Variants in PIEZO2 observed in about 807,000 individuals in gnomAD.
PIEZO2 encodes piezo type mechanosensitive ion channel component 2.
A neutral mutation model predicts 337.3 loss-of-function variants in PIEZO2; 172 were observed. That is an observed-to-expected ratio of 0.51 (90% CI 0.45 to 0.58). PIEZO2 has a LOEUF of 0.58. Ranked by LOEUF, PIEZO2 falls within the 20% of genes least tolerant of loss-of-function variation. PIEZO2 has a pLI of 0.00. For missense variants in PIEZO2, 3,028 were observed against 3,391.3 expected (o/e 0.89, Z 2.66); for synonymous variants, 1,251 against 1,228.5 (o/e 1.02, Z -0.38).
In PIEZO2 at chr18:10,833,398, A is replaced by C. The variant is rs970478689; in HGVS notation, c.917+21955T>G. 2.0e-5 allele frequency among the ~76,000 whole-genome samples: 3 copies of C among 151,974 alleles called. No homozygotes were observed. The highest frequency in any genetic ancestry group is 6.6e-5 in the Admixed American group (1 of 15,266). ...CCTCTCCTGTTGGAATCATGTGGGGATCTTCTAAAGCACTAACACTGGGCC... is the reference window on the plus strand; with the variant it reads ...CCTCTCCTGTTGGAATCATGTGGGGCTCTTCTAAAGCACTAACACTGGGCC... On this transcript the variant is annotated intron_variant, in intron 7 of 55. Transcript: ENST00000674853. The surrounding 1 kb of genome is among the most constrained non-coding windows in gnomAD (Gnocchi z 4.7).
rs1347369929 is a variant in PIEZO2, at chr18:10,787,058, T to C, written c.2296A>G (p.Met766Val). 1 of 1,533,364 alleles carries C rather than the reference T, an allele frequency of 6.5e-7. No individual in the cohort carries two copies. Among genetic ancestry groups the C allele is most frequent in the Non-Finnish European group, 8.7e-7 (1 of 1,144,888 alleles). The allele number at this position is 1,533,364 out of a possible 1,614,324, so 95.0% of individuals were successfully genotyped here. ...TACTTTTCTTTTTTCAGTCCAGTCA[T>C]ATTTTGCCACAGGCCTGGGAAGTTC... is the stretch of plus-strand genomic sequence containing the variant. ...FENFPGLWQN[M>V]TGLKKEKLED... The change falls in exon 16 of 56, where the codon ATG (methionine) becomes GTG (valine). Residue 766 changes from methionine to valine, a missense_variant. Met to Val is a conservative substitution (Grantham distance 21). Around this residue, in one of 5 missense-constraint regions of PIEZO2, gnomAD observed 1,925 missense variants for 2,051.9 expected, o/e 0.94. Coordinates refer to ENST00000674853, the MANE Select transcript of PIEZO2 (RefSeq NM_001378183.1).
rs1279764958 is a variant in PIEZO2 at position 10,699,023 on chromosome 18, G to A, written c.6596C>T (p.Thr2199Ile). Residue 2199 changes from threonine (T) to isoleucine (I), a missense_variant, in exon 44 of 56, where the codon ACC becomes ATC. Thr to Ile is a moderately conservative substitution (Grantham distance 89). Coordinates refer to ENST00000674853, the MANE Select transcript of PIEZO2 (RefSeq NM_001378183.1). ...GACAGCTGTCTGCTGCTCCGGGAAG[G>A]TCACATGCACTGACTCCACAGACGC... ...LAASVESVHVTFPEQQTAVRR... is the reference protein window; with the variant it reads ...LAASVESVHVIFPEQQTAVRR... 243 of 1,537,026 alleles carry A rather than the reference G, an allele frequency of 1.6e-4. No individual in the cohort carries two copies. The highest frequency in any genetic ancestry group is 2.1e-4 in the Non-Finnish European group (237 of 1,146,926).
At chr18:11,064,029 CAAA>C (rs879717366) in intron 2 of PIEZO2, among the ~76,000 whole-genome samples, 1 of 135,320 alleles carries the variant, frequency 7.4e-6, no homozygotes. Context: ...ATCTGATGAG[CAAA>C]AAAAAAAAAG....
In PIEZO2 at chr18:10,775,268, T is replaced by C. The variant is rs2038743841; in HGVS notation, c.2535-1230A>G. Among the ~76,000 whole-genome samples, 1 of 152,176 alleles carries C rather than the reference T, an allele frequency of 6.6e-6. No individual in the cohort carries two copies. Among genetic ancestry groups the C allele is most frequent in the Non-Finnish European group, 1.5e-5 (1 of 68,038 alleles). On this transcript the variant is annotated intron_variant, in intron 18 of 55. Coordinates refer to ENST00000674853, the MANE Select transcript of PIEZO2 (RefSeq NM_001378183.1). This position sits in a 1 kb window ranked among gnomAD's most constrained non-coding sequence, Gnocchi z 4.3. ...GCTACTCTTAAAATTGCAACCCATA[T>C]CTTCTATACCAGTGCCACACACCAA... is the stretch of plus-strand genomic sequence containing the variant.
At chr18:10,836,450 G>C (rs1005521258) in intron 7 of PIEZO2, among the ~76,000 whole-genome samples, 1 of 152,170 alleles carries the variant, frequency 6.6e-6, no homozygotes, top group East Asian at 1.9e-4. Flanking sequence ...TAGCCCGGCT[G>C]TAACTTGCTC....
intron 7 of PIEZO2, among the ~76,000 whole-genome samples, chr18:10,810,110 G>A (rs1266840460): frequency 1.3e-5 from 2 of 152,214 alleles, no homozygotes; most frequent in South Asian, 2.1e-4. Context: ...TAAATGACTC[G>A]ATGTCTGAGC....
Position 11,047,864 on chromosome 18 carries a change from C to T in PIEZO2, c.160+18263G>A, listed in dbSNP as rs1316533449. ...GATGTTTGAGGGTGACATTCCTTTG[C>T]ACCTAAGTGCAAAGGGACCTGTAAG... On this transcript the variant is annotated intron_variant, in intron 2 of 55. Transcript: ENST00000674853. The surrounding 1 kb of genome is among the most constrained non-coding windows in gnomAD (Gnocchi z 7.2). Among the ~76,000 whole-genome samples the T allele has an allele frequency of 6.6e-6, 1 of 152,184 alleles. No homozygotes were observed. The highest frequency in any genetic ancestry group is 2.4e-5 in the African/African-American group (1 of 41,444).
rs1328087679 is a variant in PIEZO2, at chr18:11,047,618, C to T, written c.160+18509G>A. ...AGCCATGAGCTTTCAGACACCAACA[C>T]TCCAGGCAATAGGGAGAATCGAAGT... On this transcript the variant is annotated intron_variant, in intron 2 of 55. Coordinates refer to ENST00000674853, the MANE Select transcript of PIEZO2 (RefSeq NM_001378183.1). This position sits in a 1 kb window ranked among gnomAD's most constrained non-coding sequence, Gnocchi z 7.2. 3.9e-5 allele frequency among the ~76,000 whole-genome samples: 6 copies of T among 152,162 alleles called. No individual in the cohort carries two copies.
At position 10,672,426 on chromosome 18, in the gene PIEZO2, G is replaced by A. The variant is rs2033820125; in HGVS notation, c.8345+264C>T. Among the ~76,000 whole-genome samples, 1 of 152,200 alleles carries A rather than the reference G, an allele frequency of 6.6e-6. No individual in the cohort carries two copies. Among genetic ancestry groups the A allele is most frequent in the Non-Finnish European group, 1.5e-5 (1 of 68,036 alleles). On this transcript the variant is annotated intron_variant, in intron 55 of 55. Transcript: ENST00000674853. The surrounding 1 kb of genome is among the most constrained non-coding windows in gnomAD (Gnocchi z 4.7). ...TGCTAATTTATACAAGTAAACATGG[G>A]ATTGGATTAAACTGTGCCATAACAG...
At chr18:10,998,275 A>G (rs2145591948) in intron 2 of PIEZO2, among the ~76,000 whole-genome samples, 2 of 152,228 alleles carry the variant, frequency 1.3e-5, no homozygotes, top group Middle Eastern at 3.4e-3. Flanking sequence ...TGGTACCAAA[A>G]AAACACGTGG....
chr18:10,774,839 ATGGACAATAAATAATATTATTCTATC>A (rs2038731356), intron 18 of PIEZO2, among the ~76,000 whole-genome samples: 1 of 152,234 alleles, frequency 6.6e-6, no homozygotes, highest in Non-Finnish European at 1.5e-5. Flanking sequence ...TTCAAACAAG[ATGGACAATAAATAATATTATTCTATC>A]TGGATAATTG....
rs2037266685 is a variant in PIEZO2 at position 10,742,571 on chromosome 18, T to A, written c.4559A>T (p.Lys1520Met). Reference sequence around the variant, plus strand: ...CTGGGTCAAGCTCAGCATCCTCTCCTTACCCTTTTTATATTTCTGTTGCCT... The same window carrying A: ...CTGGGTCAAGCTCAGCATCCTCTCCATACCCTTTTTATATTTCTGTTGCCT... ...KARQQKYKKG[K>M]ERMLSLTQEP... Residue 1520 changes from lysine to methionine, a missense_variant, in exon 32 of 56, where the codon AAG becomes ATG. By Grantham distance (95) the Lys-to-Met change is moderately conservative. Transcript: ENST00000674853. 4 of 1,537,210 alleles carry A rather than the reference T, an allele frequency of 2.6e-6. No individual in the cohort carries two copies. The East Asian group carries it at 9.8e-5, about 38-fold the overall frequency.
intron 2 of PIEZO2, among the ~76,000 whole-genome samples, chr18:11,022,480 A>C (rs775127355): frequency 2.0e-5 from 3 of 152,192 alleles, no homozygotes; most frequent in Admixed American, 6.5e-5. Context: ...GCCCACGATC[A>C]AGGTGCTGGC....
Position 10,714,945 on chromosome 18 carries a change from A to C in PIEZO2, c.5257-15T>G. ...GGAACATTGCCCTGAGGAGAATGAG[A>C]CATTGCCACAGTTCTTATGGAGGCA... On this transcript the variant is annotated splice_polypyrimidine_tract_variant and intron_variant, in intron 38 of 55. Coordinates refer to ENST00000674853, the MANE Select transcript of PIEZO2 (RefSeq NM_001378183.1). 6.5e-7 allele frequency: 1 copy of C among 1,535,932 alleles called. No homozygotes were observed. The highest frequency in any genetic ancestry group is 1.4e-5 in the African/African-American group (1 of 73,128).
At chr18:11,072,429 C>A (rs532835746) in intron 1 of PIEZO2, among the ~76,000 whole-genome samples, 51 of 151,858 alleles carry the variant, frequency 3.4e-4, no homozygotes, top group African/African-American at 1.1e-3. Flanking sequence ...AATGTTAATC[C>A]ATGTTGGACA....
Position 10,807,202 on chromosome 18 carries a change from C to G in PIEZO2, c.990G>C (p.Leu330=). ...TAGGGTTGGCGTGGTGGTACCACGACAGGTCCGGGTTCACTATGATCTTCC... is the reference window on the plus strand; with the variant it reads ...TAGGGTTGGCGTGGTGGTACCACGAGAGGTCCGGGTTCACTATGATCTTCC... ...STWKIIVNPD[L]SWYHHANPIL... Residue 330 remains leucine, a synonymous_variant, in exon 8 of 56, where the codon CTG becomes CTC. Coordinates refer to ENST00000674853, the MANE Select transcript of PIEZO2 (RefSeq NM_001378183.1). 6.5e-7 allele frequency: 1 copy of G among 1,537,300 alleles called. No individual in the cohort carries two copies. Among genetic ancestry groups the G allele is most frequent in the Non-Finnish European group, 8.7e-7 (1 of 1,146,910 alleles).
intron 3 of PIEZO2, among the ~76,000 whole-genome samples, chr18:10,972,528 C>G (rs1021584416): frequency 1.3e-5 from 2 of 152,104 alleles, no homozygotes; most frequent in African/African-American, 4.8e-5. Flanking sequence ...AAGAAAAACT[C>G]AGGGTCACTA....
intron 11 of PIEZO2, among the ~76,000 whole-genome samples, chr18:10,798,346 A>G (rs1013358532): frequency 2.6e-5 from 4 of 152,218 alleles, no homozygotes; most frequent in African/African-American, 9.6e-5. Flanking sequence ...AGCAGCATAA[A>G]GAGGTATAAA....
chr18:10,717,348 G>A (rs2036051344), intron 37 of PIEZO2, among the ~76,000 whole-genome samples: 1 of 152,184 alleles, frequency 6.6e-6, no homozygotes, highest in Non-Finnish European at 1.5e-5. Context: ...TTGAGGACTG[G>A]CACGGTGGAG....
Sources: allele counts gnomAD v4.1 joint callset (sites outside exome capture counted in the v4.1 genomes callset), GRCh38; gene constraint gnomAD v4.1.1; regional missense constraint gnomAD v4.1.1; non-coding constraint Gnocchi (gnomAD v3.1); transcripts MANE v1.5; gene names NCBI Gene and HGNC (gene_info 2026-07-23, HGNC 2026-07-21).